Variants in EXOC4 observed in about 807,000 individuals in gnomAD.
The protein encoded by EXOC4 is exocyst complex component 4.
In EXOC4, 71 loss-of-function variants were observed where a neutral mutation model predicts 107.2. The ratio of observed to expected loss-of-function variants is 0.66; its 90% CI spans 0.55 to 0.81. EXOC4 has a LOEUF of 0.81. Ranked by LOEUF, EXOC4 falls within the 30% of genes least tolerant of loss-of-function variation. The pLI, the probability that EXOC4 is intolerant of heterozygous loss-of-function variation, is 0.00. For synonymous variants in EXOC4, 456 were observed against 441.2 expected, an observed-to-expected ratio of 1.03 and a Z score of -0.42; for missense variants, 1,108 against 1,189.6, an observed-to-expected ratio of 0.93 and a Z score of 1.01.
At chr7:133,260,148 A>T (rs1028346471) in intron 1 of EXOC4, among the ~76,000 whole-genome samples, 1 of 151,964 alleles carries the variant, frequency 6.6e-6, no homozygotes, top group Non-Finnish European at 1.5e-5. Context: ...TTTACTTTAT[A>T]TGTGTGGGTT....
At chr7:133,710,244 T>C (rs1331050426) in intron 10 of EXOC4, among the ~76,000 whole-genome samples, 3 of 152,170 alleles carry the variant, frequency 2.0e-5, no homozygotes, top group Non-Finnish European at 4.4e-5. Flanking sequence ...ATCTTTCATG[T>C]GCCATCCGGA....
intron 7 of EXOC4, among the ~76,000 whole-genome samples, chr7:133,445,730 C>T (rs997160539): frequency 1.2e-4 from 18 of 151,996 alleles, no homozygotes; most frequent in African/African-American, 4.1e-4. Flanking sequence ...CCAGGAGCTG[C>T]GTTATCTGGT....
chr7:133,391,356 C>T (rs562244687), intron 7 of EXOC4, among the ~76,000 whole-genome samples: 8 of 152,272 alleles, frequency 5.3e-5, no homozygotes, highest in East Asian at 3.9e-4. Flanking sequence ...GTGTTAGCAA[C>T]GTGATATGGC....
At chr7:133,341,763 A>G (rs1160296447) in intron 5 of EXOC4, among the ~76,000 whole-genome samples, 1 of 152,176 alleles carries the variant, frequency 6.6e-6, no homozygotes, top group African/African-American at 2.4e-5. Context: ...CTGTTGGATT[A>G]GTCCTTTTAT....
intron 1 of EXOC4, among the ~76,000 whole-genome samples, chr7:133,263,459 T>G (rs1793630959): frequency 2.0e-5 from 3 of 149,940 alleles, no homozygotes; most frequent in South Asian, 4.3e-4. Flanking sequence ...TCAGCTCACT[T>G]CATCCTCTGC....
At chr7:133,395,126 T>A (rs1234402573) in intron 7 of EXOC4, among the ~76,000 whole-genome samples, 3 of 148,060 alleles carry the variant, frequency 2.0e-5, no homozygotes, top group Non-Finnish European at 3.0e-5. Context: ...TTTTTTTTTT[T>A]AACTTGGTCG....
At chr7:133,651,103 A>G (rs1217337205) in intron 10 of EXOC4, among the ~76,000 whole-genome samples, 1 of 151,992 alleles carries the variant, frequency 6.6e-6, no homozygotes, top group East Asian at 1.9e-4. Context: ...GTCATACACC[A>G]CATATCCCCC....
At chr7:133,534,842 G>T (rs1359430611) in intron 9 of EXOC4, among the ~76,000 whole-genome samples, 1 of 152,084 alleles carries the variant, frequency 6.6e-6, no homozygotes, top group Non-Finnish European at 1.5e-5. Context: ...GCTGTCTTTG[G>T]TGACGTGGAC....
chr7:133,413,500 T>A (rs1243356212), intron 7 of EXOC4, among the ~76,000 whole-genome samples: 1 of 152,156 alleles, frequency 6.6e-6, no homozygotes, highest in African/African-American at 2.4e-5. Flanking sequence ...ATTGACGATG[T>A]CATAGAACTG....
At chr7:133,916,457 G>C (rs1799810086) in intron 12 of EXOC4, among the ~76,000 whole-genome samples, 4 of 151,840 alleles carry the variant, frequency 2.6e-5, no homozygotes, top group Non-Finnish European at 4.4e-5. Flanking sequence ...GTTTTGTAGA[G>C]AAGGTCAATC....
At chr7:133,984,731 CAG>C (rs1181037762) in intron 14 of EXOC4, among the ~76,000 whole-genome samples, 2 of 152,162 alleles carry the variant, frequency 1.3e-5, no homozygotes, top group Non-Finnish European at 2.9e-5. Flanking sequence ...AGGAGAGAGG[CAG>C]AGTGTTACCA....
chr7:133,686,992 T>TG (rs1585079023), intron 10 of EXOC4, among the ~76,000 whole-genome samples: 875 of 40,720 alleles, frequency 0.021, 8 homozygotes, highest in African/African-American at 0.057. Context: ...GATAAAGAAT[T>TG]TTGTGTGTGT....
At chr7:133,666,103 C>A (rs1793806664) in intron 10 of EXOC4, among the ~76,000 whole-genome samples, 1 of 152,080 alleles carries the variant, frequency 6.6e-6, no homozygotes, top group East Asian at 1.9e-4. Context: ...TGGTATGTTT[C>A]AATAAATTTC....
chr7:133,698,160 T>C (rs1485611964), intron 10 of EXOC4, among the ~76,000 whole-genome samples: 1 of 152,050 alleles, frequency 6.6e-6, no homozygotes, highest in African/African-American at 2.4e-5. Flanking sequence ...CTTGGTTGTG[T>C]TGTGTTTTGT....
chr7:133,573,745 C>G (rs1801071635), intron 9 of EXOC4, among the ~76,000 whole-genome samples: 1 of 152,192 alleles, frequency 6.6e-6, no homozygotes, highest in Non-Finnish European at 1.5e-5. Flanking sequence ...CCTTCCACCC[C>G]CGGCCTCTAG....
intron 7 of EXOC4, among the ~76,000 whole-genome samples, chr7:133,453,131 A>G (rs1798385150): frequency 6.6e-6 from 1 of 152,238 alleles, no homozygotes; most frequent in African/African-American, 2.4e-5. Flanking sequence ...GTGAGAATAT[A>G]AAAATCGCTG....
At chr7:133,407,623 G>GT (rs1434135673) in intron 7 of EXOC4, among the ~76,000 whole-genome samples, 1 of 152,184 alleles carries the variant, frequency 6.6e-6, no homozygotes, top group Non-Finnish European at 1.5e-5. Context: ...TAAGATGTGT[G>GT]TAAGATGTAG....
At chr7:133,285,748 C>T (rs1190321507) in intron 2 of EXOC4, among the ~76,000 whole-genome samples, 7 of 144,426 alleles carry the variant, frequency 4.8e-5, no homozygotes, top group African/African-American at 1.6e-4. Flanking sequence ...TTTTTTCTTT[C>T]TTCTTCTTTT....
intron 10 of EXOC4, among the ~76,000 whole-genome samples, chr7:133,738,210 G>T (rs7784822): frequency 2.6e-5 from 4 of 151,798 alleles, no homozygotes; most frequent in African/African-American, 9.7e-5. Context: ...CCAGTGCCGA[G>T]CCCTGCTTGA....
Sources: gnomAD v4.1 joint callset for allele counts (sites outside exome capture counted in the v4.1 genomes callset) on GRCh38, gnomAD v4.1.1 for gene constraint, MANE v1.5 for transcripts, NCBI Gene and HGNC (gene_info 2026-07-23, HGNC 2026-07-21) for gene names.